ADAMTSL1: variants seen among roughly 807,000 people sequenced by gnomAD.
The protein encoded by ADAMTSL1 is ADAMTS like 1, also known as ADAMTS-like protein 1.
ADAMTSL1 carries 126 observed loss-of-function variants against 201.8 expected under a neutral mutation model. That is an observed-to-expected ratio of 0.62 (90% CI 0.54 to 0.72). The LOEUF (loss-of-function observed/expected upper bound fraction) is 0.72, where lower values mean the gene tolerates loss of function less well. Among genes scored for constraint, ADAMTSL1 ranks in the 30% least tolerant of loss-of-function variants. The pLI is 0.00. For missense variants in ADAMTSL1, 2,679 were observed against 2,277.8 expected, an observed-to-expected ratio of 1.18 and a Z score of -3.59; for synonymous variants, 1,121 against 903.4, an observed-to-expected ratio of 1.24 and a Z score of -4.32.
intron 1 of ADAMTSL1, among the ~76,000 whole-genome samples, chr9:18,111,708 A>G (rs968154317): frequency 6.6e-6 from 1 of 152,198 alleles, no homozygotes; most frequent in Non-Finnish European, 1.5e-5. Context: ...GTGCTCATGT[A>G]GTTAAATAAT....
chr9:18,054,260 G>A (rs915539039), intron 1 of ADAMTSL1, among the ~76,000 whole-genome samples: 8 of 152,240 alleles, frequency 5.3e-5, no homozygotes, highest in East Asian at 1.9e-4. Flanking sequence ...AAATTTACAC[G>A]CAACCCTACC....
intron 2 of ADAMTSL1, among the ~76,000 whole-genome samples, chr9:18,288,355 A>T (rs1422123153): frequency 1.3e-5 from 2 of 151,922 alleles, no homozygotes; most frequent in East Asian, 3.9e-4. Context: ...GTTACTACAT[A>T]TTTTTCTGTT....
At chr9:18,806,151 T>G (rs1215979351) in intron 20 of ADAMTSL1, among the ~76,000 whole-genome samples, 1 of 152,224 alleles carries the variant, frequency 6.6e-6, no homozygotes, top group Non-Finnish European at 1.5e-5. Flanking sequence ...AAACGTTCAT[T>G]AAGCCTGGGT....
intron 2 of ADAMTSL1, among the ~76,000 whole-genome samples, chr9:18,445,415 T>A (rs546438951): frequency 6.6e-6 from 1 of 152,268 alleles, no homozygotes; most frequent in African/African-American, 2.4e-5. Context: ...CATTCCTACA[T>A]ACAAAATGAT....
intron 2 of ADAMTSL1, among the ~76,000 whole-genome samples, chr9:18,433,323 T>A (rs1819580161): frequency 6.6e-6 from 1 of 152,086 alleles, no homozygotes; most frequent in African/African-American, 2.4e-5. Flanking sequence ...TTCTTTCCCC[T>A]AAAAGAATAA....
At chr9:18,211,655 G>A (rs551762123) in intron 2 of ADAMTSL1, among the ~76,000 whole-genome samples, 1 of 152,282 alleles carries the variant, frequency 6.6e-6, no homozygotes, top group Admixed American at 6.5e-5. Flanking sequence ...TTGCAAAAAT[G>A]TGGCAATCCC....
chr9:17,955,019 C>G (rs1442258820), intron 1 of ADAMTSL1, among the ~76,000 whole-genome samples: 2 of 151,888 alleles, frequency 1.3e-5, no homozygotes, highest in Non-Finnish European at 2.9e-5. Flanking sequence ...GGATGTGGCC[C>G]CAGTTAAAAA....
At chr9:18,091,805 A>G (rs746522206) in intron 1 of ADAMTSL1, among the ~76,000 whole-genome samples, 39 of 152,088 alleles carry the variant, frequency 2.6e-4, no homozygotes, top group Non-Finnish European at 4.6e-4. Context: ...TCTAGTAGCA[A>G]GAGAGTCCTT....
At chr9:17,921,854 GT>G (rs1296438737) in intron 1 of ADAMTSL1, among the ~76,000 whole-genome samples, 1 of 151,886 alleles carries the variant, frequency 6.6e-6, no homozygotes, top group Non-Finnish European at 1.5e-5. Flanking sequence ...CCCTATTTTT[GT>G]TTTTTAATTT....
rs112641700 is a variant in ADAMTSL1, at chr9:18,135,704, A to G, written c.88-28158A>G. On this transcript the variant is annotated intron_variant, in intron 1 of 29. Transcript: ENST00000680146. ...TACCATATGCATGTATATCACATGT[A>G]TATCTATCATATGTGTATGTATCCT... 1.9e-4 allele frequency among the ~76,000 whole-genome samples: 29 copies of G among 152,266 alleles called. 1 individual carries two copies. Among genetic ancestry groups the G allele is most frequent in the African/African-American group, 5.8e-4 (24 of 41,554 alleles).
chr9:18,058,628 T>A (rs1460511830), intron 1 of ADAMTSL1, among the ~76,000 whole-genome samples: 1 of 152,170 alleles, frequency 6.6e-6, no homozygotes, highest in African/African-American at 2.4e-5. Flanking sequence ...TAAGAAAAAC[T>A]GTAAAATCCC....
At chr9:18,369,137 T>C (rs1363544656) in intron 2 of ADAMTSL1, among the ~76,000 whole-genome samples, 1 of 152,238 alleles carries the variant, frequency 6.6e-6, no homozygotes, top group Non-Finnish European at 1.5e-5. Context: ...TGTAATCCTT[T>C]TTAAAAGAGA....
At chr9:18,627,161 T>C (rs1212178038) in intron 5 of ADAMTSL1, among the ~76,000 whole-genome samples, 1 of 151,972 alleles carries the variant, frequency 6.6e-6, no homozygotes, top group Non-Finnish European at 1.5e-5. Context: ...TTTGTATTTT[T>C]AGTAGAGATG....
intron 23 of ADAMTSL1, among the ~76,000 whole-genome samples, chr9:18,869,136 C>T (rs1827727271): frequency 6.6e-6 from 1 of 152,212 alleles, no homozygotes; most frequent in Admixed American, 6.5e-5. Flanking sequence ...CCAAGGTACA[C>T]CAAAGATTGC....
At chr9:18,653,530 C>T (rs575301372) in intron 7 of ADAMTSL1, among the ~76,000 whole-genome samples, 2 of 151,376 alleles carry the variant, frequency 1.3e-5, no homozygotes, top group Non-Finnish European at 2.9e-5. Context: ...AATGCTGGCA[C>T]TTTTGGGAGC....
chr9:18,045,487 AC>A (rs1821618897), intron 1 of ADAMTSL1, among the ~76,000 whole-genome samples: 1 of 152,122 alleles, frequency 6.6e-6, no homozygotes, highest in South Asian at 2.1e-4. Flanking sequence ...TTTGACTAAA[AC>A]TTGGCATTAT....
intron 1 of ADAMTSL1, among the ~76,000 whole-genome samples, chr9:18,011,820 C>T (rs1053289929): frequency 8.5e-5 from 13 of 152,050 alleles, no homozygotes; most frequent in African/African-American, 3.1e-4. Flanking sequence ...ACCTTCCAGC[C>T]CAGTGTATTT....
At chr9:18,649,006 C>T (rs1412663280) in intron 7 of ADAMTSL1, among the ~76,000 whole-genome samples, 1 of 152,180 alleles carries the variant, frequency 6.6e-6, no homozygotes, top group Non-Finnish European at 1.5e-5. Context: ...TCCATTCTCC[C>T]CATCACTTTC....
At chr9:18,146,481 T>A (rs1373820321) in intron 1 of ADAMTSL1, among the ~76,000 whole-genome samples, 1 of 152,176 alleles carries the variant, frequency 6.6e-6, no homozygotes, top group African/African-American at 2.4e-5. Flanking sequence ...AGCTACATAG[T>A]ATATGATTCT....
Sources: gnomAD v4.1 joint callset for allele counts (sites outside exome capture counted in the v4.1 genomes callset) on GRCh38, gnomAD v4.1.1 for gene constraint, MANE v1.5 for transcripts, NCBI Gene and HGNC (gene_info 2026-07-23, HGNC 2026-07-21) for gene names.